The following ZNF24 variants were observed in gnomAD, a reference collection of about 807,000 sequenced individuals.
ZNF24 encodes retinoic acid suppression protein A.
ZNF24 carries 11 observed loss-of-function variants against 40.9 expected under a neutral mutation model. The observed-to-expected ratio is 0.27, with a 90% confidence interval of 0.17 to 0.45. The LOEUF (loss-of-function observed/expected upper bound fraction) is 0.45, where lower values mean the gene tolerates loss of function less well. ZNF24 is among the 20% of genes least tolerant of loss of function. The pLI, the probability that ZNF24 is intolerant of heterozygous loss-of-function variation, is 1.00. For synonymous variants in ZNF24, 139 were observed against 154.7 expected, an observed-to-expected ratio of 0.90 and a Z score of 0.75; for missense variants, 293 against 437.7, an observed-to-expected ratio of 0.67 and a Z score of 2.95.
intron 3 of ZNF24, chr18:35,339,105 G>T: frequency 6.7e-7 from 1 of 1,484,648 alleles, no homozygotes; most frequent in Non-Finnish European, 9.1e-7. Context: ...TTTCATTTTA[G>T]TTCACATAAA....
At chr18:35,338,803 G>A (rs1249971864) in intron 3 of ZNF24, 3 of 1,337,968 alleles carry the variant, frequency 2.2e-6, no homozygotes, top group East Asian at 2.9e-5. Context: ...CTAGACAGCT[G>A]AAATAAGGAA....
At position 35,335,787 on chromosome 18, in the gene ZNF24, G is replaced by A. The variant is rs1019851871; in HGVS notation, c.*1445C>T. 2.0e-5 allele frequency: 3 copies of A among 152,070 alleles called. No homozygotes were observed. The highest frequency in any genetic ancestry group is 1.3e-4 in the Admixed American group (2 of 15,282). 9.4% of individuals were successfully genotyped at this position (152,070 alleles called of 1,614,324 possible). ...GAAAATTAAAAAAAAATTCAATTGT[G>A]ATAGGTTAATAAACTAGTTAATTGT... is the stretch of plus-strand genomic sequence containing the variant. On this transcript the variant is annotated 3_prime_UTR_variant, in exon 4 of 4. Coordinates refer to ENST00000261332, the MANE Select transcript of ZNF24 (RefSeq NM_006965.4).
At chr18:35,338,598 A>AG in intron 3 of ZNF24, 1 of 991,536 alleles carries the variant, frequency 1.0e-6, no homozygotes, top group Non-Finnish European at 1.2e-6. Context: ...ATATAGGGTT[A>AG]GCAACTGCCT....
intron 3 of ZNF24, chr18:35,338,922 T>A: frequency 6.8e-7 from 1 of 1,469,738 alleles, no homozygotes; most frequent in Non-Finnish European, 9.0e-7. Context: ...GAATGTCCCA[T>A]GAAACATGTA....
Position 35,337,650 on chromosome 18 carries a change from C to G in ZNF24, c.689G>C (p.Gly230Ala), listed in dbSNP as rs1201582978. The G allele has an allele frequency of 6.2e-7, 1 of 1,613,976 alleles. No homozygotes were observed. The highest frequency in any genetic ancestry group is 1.7e-5 in the Admixed American group (1 of 60,020). Residue 230 changes from glycine to alanine, a missense_variant, in exon 4 of 4, where the codon GGA becomes GCA. Around this residue, in one of 2 missense-constraint regions of ZNF24, gnomAD observed 234 missense variants for 299.2 expected, o/e 0.78. Coordinates refer to ENST00000261332, the MANE Select transcript of ZNF24 (RefSeq NM_006965.4). ...NMGVPQIFKY[G>A]ETCFPKGRFE... ...CCTGCCCTTGGGGAAACAGGTTTCT[C>G]CATATTTAAAAATTTGAGGAACACC...
intron 1 of ZNF24, chr18:35,343,686 A>G (rs2044989691): frequency 6.6e-6 from 1 of 152,234 alleles, no homozygotes; most frequent in Admixed American, 6.5e-5. Flanking sequence ...GACCCTGCTT[A>G]TCAACGGTGC....
intron 3 of ZNF24, chr18:35,338,923 G>A: frequency 6.8e-7 from 1 of 1,470,544 alleles, no homozygotes; most frequent in East Asian, 2.5e-5. Context: ...AATGTCCCAT[G>A]AAACATGTAA....
chr18:35,342,892 T>C (rs948984487), intron 1 of ZNF24, among the ~76,000 whole-genome samples: 4 of 152,360 alleles, frequency 2.6e-5, no homozygotes, highest in African/African-American at 7.2e-5. Flanking sequence ...ACAAACCCTA[T>C]GTCAATAATC....
Position 35,337,772 on chromosome 18 carries a change from T to A in ZNF24, c.569-2A>T. The stretch of plus-strand genomic sequence containing the variant: ...CATTTTCAGTCCTACCATCATCATC[T>A]GAAATAAACAGAAAATGTAAATATC... On this transcript the variant is annotated splice_acceptor_variant, in intron 3 of 3. Coordinates refer to ENST00000261332, the MANE Select transcript of ZNF24 (RefSeq NM_006965.4). LOFTEE classifies it high-confidence loss of function. 2 of 1,544,364 alleles carry A rather than the reference T, an allele frequency of 1.3e-6. No homozygotes were observed. The highest frequency in any genetic ancestry group is 1.7e-6 in the Non-Finnish European group (2 of 1,152,902).
rs1359388911 is a variant in ZNF24 at position 35,334,902 on chromosome 18, A to C, written c.*2330T>G. 1 of 152,180 alleles carries C rather than the reference A, an allele frequency of 6.6e-6. No homozygotes were observed. Among genetic ancestry groups the C allele is most frequent in the Admixed American group, 6.5e-5 (1 of 15,270 alleles). 9.4% of individuals were successfully genotyped at this position (152,180 alleles called of 1,614,324 possible). On this transcript the variant is annotated 3_prime_UTR_variant, in exon 4 of 4. Coordinates refer to ENST00000261332, the MANE Select transcript of ZNF24 (RefSeq NM_006965.4). ...CCTTTTTCCCACAGAGCTTTGCCTTAGCCTCAGAATCCTTTCTGAACAATG... is the reference window on the plus strand; with the variant it reads ...CCTTTTTCCCACAGAGCTTTGCCTTCGCCTCAGAATCCTTTCTGAACAATG...
At position 35,335,232 on chromosome 18, in the gene ZNF24, AGAG is replaced by A. The variant is rs1295114157; in HGVS notation, c.*1997_*1999del. ...TAAATCACATCATTTATCTTAGAGCAGAGGAGTTTACAGCTTTATTGGACACTG... is the reference window on the plus strand; with the variant it reads ...TAAATCACATCATTTATCTTAGAGCAGAGTTTACAGCTTTATTGGACACTG... On this transcript the variant is annotated 3_prime_UTR_variant, in exon 4 of 4. Transcript: ENST00000261332. 11 of 152,312 alleles carry A rather than the reference AGAG, an allele frequency of 7.2e-5. No homozygotes were observed. Among genetic ancestry groups the A allele is most frequent in the East Asian group, 3.9e-4 (2 of 5,186 alleles). 9.4% of individuals were successfully genotyped at this position (152,312 alleles called of 1,614,324 possible). A position where few individuals can be genotyped will look rare whatever the true frequency, so the allele number is the denominator to read the frequency against.
At chr18:35,338,847 T>G in intron 3 of ZNF24, 1 of 1,341,034 alleles carries the variant, frequency 7.5e-7, no homozygotes, top group South Asian at 2.1e-5. Flanking sequence ...ATTCAGATGA[T>G]GAGAAGTTGA....
chr18:35,341,201 A>C (rs954410350), intron 1 of ZNF24, among the ~76,000 whole-genome samples: 1 of 152,238 alleles, frequency 6.6e-6, no homozygotes, highest in Non-Finnish European at 1.5e-5. Context: ...CATGCACTAC[A>C]AAATGATGTT....
At chr18:35,339,119 G>A (rs913937701) in intron 3 of ZNF24, 2 of 1,404,434 alleles carry the variant, frequency 1.4e-6, no homozygotes, top group Non-Finnish European at 1.9e-6. Context: ...ACATAAACAT[G>A]AGAAAGCAAT....
In ZNF24 at chr18:35,334,660, C is replaced by CA. The variant is rs3833196; in HGVS notation, c.*2571dup. The stretch of plus-strand genomic sequence containing the variant: ...ATACTCTGGCGATGCCACTGCTTGG[C>CA]ACTGCCATATCACCACTTCATCAGA... On this transcript the variant is annotated 3_prime_UTR_variant, in exon 4 of 4. Transcript: ENST00000261332. 0.9 allele frequency: 137,443 copies of CA among 152,288 alleles called. 62,524 individuals are homozygous for CA. The highest frequency in any genetic ancestry group is 0.93 in the Non-Finnish European group (63,412 of 68,028). The allele number at this position is 152,288 out of a possible 1,614,324, so 9.4% of individuals were successfully genotyped here. A position where few individuals can be genotyped will look rare whatever the true frequency, so the allele number is the denominator to read the frequency against.
intron 3 of ZNF24, chr18:35,338,761 C>G: frequency 1.6e-6 from 2 of 1,246,860 alleles, no homozygotes; most frequent in Non-Finnish European, 1.0e-6. Context: ...AAACGGCACA[C>G]AGGAAACAGA....
At position 35,335,197 on chromosome 18, in the gene ZNF24, TATAA is replaced by T. The variant is rs1434323072; in HGVS notation, c.*2031_*2034del. Reference sequence around the variant, plus strand: ...AAAACCTACTTGGAAAGAAGCCAGTTATAAATAAATAAATCACATCATTTATCTT... The same window carrying T: ...AAAACCTACTTGGAAAGAAGCCAGTTATAAATAAATCACATCATTTATCTT... On this transcript the variant is annotated 3_prime_UTR_variant, in exon 4 of 4. Coordinates refer to ENST00000261332, the MANE Select transcript of ZNF24 (RefSeq NM_006965.4). 1 of 152,144 alleles carries T rather than the reference TATAA, an allele frequency of 6.6e-6. No homozygotes were observed. Among genetic ancestry groups the T allele is most frequent in the African/African-American group, 2.4e-5 (1 of 41,432 alleles). The allele number at this position is 152,144 out of a possible 1,614,324, so 9.4% of individuals were successfully genotyped here.
At chr18:35,338,618 A>G in intron 3 of ZNF24, 1 of 996,248 alleles carries the variant, frequency 1.0e-6, no homozygotes, top group Non-Finnish European at 1.2e-6. Flanking sequence ...TTCAGCGAAG[A>G]GGAAAACAGT....
intron 3 of ZNF24, chr18:35,338,857 A>G (rs2044938382): frequency 8.9e-6 from 12 of 1,341,392 alleles, no homozygotes; most frequent in Non-Finnish European, 1.0e-5. Context: ...TGAGAAGTTG[A>G]AAATATCAGC....
Sources: allele counts gnomAD v4.1 joint callset (sites outside exome capture counted in the v4.1 genomes callset), GRCh38; gene constraint gnomAD v4.1.1; regional missense constraint gnomAD v4.1.1; transcripts MANE v1.5; gene names NCBI Gene and HGNC (gene_info 2026-07-23, HGNC 2026-07-21).